Variants in PLS1 observed in about 807,000 individuals in gnomAD.
The protein encoded by PLS1 is plastin 1, also known as plastin-1.
Under a neutral mutation model 73.7 loss-of-function variants are expected in PLS1, and 32 were observed. The ratio of observed to expected loss-of-function variants is 0.43; its 90% confidence interval spans 0.33 to 0.58. PLS1 has a LOEUF of 0.58. Among genes scored for constraint, PLS1 ranks in the 20% least tolerant of loss-of-function variants. PLS1 has a pLI of 0.04. For synonymous variants in PLS1, 217 were observed against 261.3 expected (o/e 0.83, Z 1.63); for missense variants, 633 against 740.5 (o/e 0.85, Z 1.68).
At chr3:142,658,605 C>T (rs1345932320) in intron 1 of PLS1, among the ~76,000 whole-genome samples, 2 of 152,078 alleles carry the variant, frequency 1.3e-5, no homozygotes, top group African/African-American at 2.4e-5. Context: ...AGTTTTACTA[C>T]ATAGGTATGG....
At chr3:142,671,864 C>A (rs1385469964) in intron 4 of PLS1, among the ~76,000 whole-genome samples, 1 of 152,130 alleles carries the variant, frequency 6.6e-6, no homozygotes, top group Non-Finnish European at 1.5e-5. Flanking sequence ...CCTCTTGATT[C>A]TGTCCCTTCC....
At chr3:142,677,537 G>A (rs780553396) in intron 5 of PLS1, among the ~76,000 whole-genome samples, 14 of 151,908 alleles carry the variant, frequency 9.2e-5, no homozygotes, top group African/African-American at 2.4e-4. Flanking sequence ...CCAGCTACTC[G>A]GGAGGCTGAG....
chr3:142,628,119 C>T (rs984911033), intron 1 of PLS1, among the ~76,000 whole-genome samples: 2 of 152,154 alleles, frequency 1.3e-5, no homozygotes, highest in Admixed American at 6.5e-5. Context: ...CCTTGGTTCC[C>T]TTGAGAACCT....
intron 4 of PLS1, among the ~76,000 whole-genome samples, 169 bp downstream of exon 4, chr3:142,671,291 T>G (rs1164022824): frequency 5.3e-5 from 8 of 152,232 alleles, no homozygotes; most frequent in Non-Finnish European, 2.9e-5. Flanking sequence ...GAATTTGAAA[T>G]ACATCTCAGT....
At chr3:142,706,183 A>G (rs67495151) in intron 14 of PLS1, among the ~76,000 whole-genome samples, 35,459 of 152,070 alleles carry the variant, frequency 0.23, 5,117 homozygotes, top group African/African-American at 0.42. Flanking sequence ...AAAGGCATAA[A>G]GTATAGGAAA....
At chr3:142,620,105 G>T (rs1338819794) in intron 1 of PLS1, among the ~76,000 whole-genome samples, 2 of 151,794 alleles carry the variant, frequency 1.3e-5, no homozygotes, top group Admixed American at 6.6e-5. Context: ...TGATGCTTCA[G>T]AAGTTTGAGA....
chr3:142,650,797 A>ACT (rs2037070847), intron 1 of PLS1, among the ~76,000 whole-genome samples: 6 of 152,214 alleles, frequency 3.9e-5, no homozygotes, highest in African/African-American at 1.2e-4. Flanking sequence ...GACTTGGGTA[A>ACT]TACTCATGTG....
chr3:142,626,271 T>A (rs573236729), intron 1 of PLS1, among the ~76,000 whole-genome samples: 25 of 152,252 alleles, frequency 1.6e-4, no homozygotes, highest in African/African-American at 6.0e-4. Context: ...AAACACAATA[T>A]GTTAATAAGC....
chr3:142,620,211 G>A (rs932772432), intron 1 of PLS1, among the ~76,000 whole-genome samples: 1 of 151,250 alleles, frequency 6.6e-6, no homozygotes, highest in Admixed American at 6.6e-5. Context: ...TGCAATCTCC[G>A]CCTCCCAGGT....
intron 14 of PLS1, among the ~76,000 whole-genome samples, chr3:142,705,448 C>T (rs1011766213): frequency 6.6e-6 from 1 of 152,200 alleles, no homozygotes; most frequent in Non-Finnish European, 1.5e-5. Flanking sequence ...AAAATGTAAT[C>T]TGTACATACA....
rs202129304 is a variant in PLS1, at chr3:142,684,067, G to A, written c.641G>A (p.Gly214Asp). The part of the protein sequence containing the change: ...SAIGCTVVNI[G>D]ASDLKEGKPH... ...ATTGGTTGTACAGTGGTCAACATTG[G>A]TGCATCAGATCTCAAAGAAGGAAAA... is the stretch of plus-strand genomic sequence containing the variant. The change falls in exon 7 of 16, where the codon GGT becomes GAT. Residue 214 changes from glycine to aspartate, a missense_variant. Coordinates refer to ENST00000457734, the MANE Select transcript of PLS1 (RefSeq NM_001145319.2). 255 of 1,613,534 alleles carry A rather than the reference G, an allele frequency of 1.6e-4. No individual in the cohort carries two copies. Among genetic ancestry groups the A allele is most frequent in the Non-Finnish European group, 2.1e-4 (247 of 1,179,660 alleles).
At chr3:142,640,905 A>G (rs185980481) in intron 1 of PLS1, among the ~76,000 whole-genome samples, 12 of 152,176 alleles carry the variant, frequency 7.9e-5, no homozygotes, top group Non-Finnish European at 1.3e-4. Flanking sequence ...TGTCTGTTAT[A>G]AAAGTAATAT....
In PLS1 at chr3:142,621,965, AT is replaced by A. The variant is rs368424693; in HGVS notation, c.-37+25457del. ...TTAATGCCACCGCATCCAACTTTCTATGTAGGAATTCCCAAAGACAACAGCC... is the reference window on the plus strand; with the variant it reads ...TTAATGCCACCGCATCCAACTTTCTAGTAGGAATTCCCAAAGACAACAGCC... On this transcript the variant is annotated intron_variant, in intron 1 of 15. Coordinates refer to ENST00000457734, the MANE Select transcript of PLS1 (RefSeq NM_001145319.2). 7.9e-5 allele frequency among the ~76,000 whole-genome samples: 12 copies of A among 152,140 alleles called. No homozygotes were observed. In the East Asian group the frequency reaches 1.9e-3, roughly 24 times the overall value.
At chr3:142,700,443 CT>C (rs1220175332) in intron 12 of PLS1, among the ~76,000 whole-genome samples, 2 of 152,104 alleles carry the variant, frequency 1.3e-5, no homozygotes, top group African/African-American at 4.8e-5. Flanking sequence ...CTGCCTCAGC[CT>C]CCTAAGTAGC....
intron 1 of PLS1, among the ~76,000 whole-genome samples, chr3:142,639,608 T>C (rs1459410443): frequency 6.6e-6 from 1 of 152,198 alleles, no homozygotes; most frequent in East Asian, 1.9e-4. Flanking sequence ...TACCAGATGG[T>C]GAATTTTATT....
At chr3:142,688,012 A>G (rs1229963207) in intron 9 of PLS1, among the ~76,000 whole-genome samples, 1 of 151,486 alleles carries the variant, frequency 6.6e-6, no homozygotes, top group African/African-American at 2.4e-5. Context: ...CAGTGACACA[A>G]TCTTGGCTCA....
intron 9 of PLS1, among the ~76,000 whole-genome samples, chr3:142,688,390 TATACTC>T (rs1451112124): frequency 6.6e-6 from 1 of 152,240 alleles, no homozygotes; most frequent in Non-Finnish European, 1.5e-5. Context: ...TTGGTCATGA[TATACTC>T]ATATGGGTCT....
At chr3:142,667,532 C>G (rs187092584) in intron 2 of PLS1, among the ~76,000 whole-genome samples, 7 of 152,232 alleles carry the variant, frequency 4.6e-5, no homozygotes, top group Non-Finnish European at 1.0e-4. Context: ...TGAGATAAGT[C>G]AAGTTCTTAA....
chr3:142,684,881 C>T (rs2037930981), intron 8 of PLS1, among the ~76,000 whole-genome samples: 2 of 152,192 alleles, frequency 1.3e-5, no homozygotes, highest in Non-Finnish European at 2.9e-5. Context: ...ACTTCCCTCT[C>T]TACTGGGAGA....
Sources: allele counts gnomAD v4.1 joint callset (sites outside exome capture counted in the v4.1 genomes callset), GRCh38; gene constraint gnomAD v4.1.1; transcripts MANE v1.5; gene names NCBI Gene and HGNC (gene_info 2026-07-23, HGNC 2026-07-21).